Variants in ZMYM1 observed in about 807,000 individuals in gnomAD.
The protein encoded by ZMYM1 is zinc finger MYM-type protein 1.
ZMYM1 carries 39 observed loss-of-function variants against 60.0 expected under a neutral mutation model. The observed-to-expected ratio is 0.65, with a 90% CI of 0.50 to 0.85. ZMYM1 has a LOEUF of 0.85. Among genes scored for constraint, ZMYM1 ranks in the 40% least tolerant of loss-of-function variants. The pLI, the probability that ZMYM1 is intolerant of heterozygous loss-of-function variation, is 0.00. For missense variants in ZMYM1, 1,171 were observed against 1,309.5 expected (o/e 0.89, Z 1.63); for synonymous variants, 413 against 454.0 (o/e 0.91, Z 1.15).
chr1:35,103,920 G>A (rs1444613597), intron 4 of ZMYM1, among the ~76,000 whole-genome samples: 1 of 152,086 alleles, frequency 6.6e-6, no homozygotes, highest in Non-Finnish European at 1.5e-5. Context: ...TAATAATACA[G>A]GCTGGCTAGT....
In ZMYM1 at chr1:35,081,544, A is replaced by G. The variant is rs1642388382; in HGVS notation, c.-75+2102A>G. The stretch of plus-strand genomic sequence containing the variant: ...TTTCCATCAATGAGCATTTATTTAG[A>G]TCTTCCTTAATTTCTCTCAGCAATG... On this transcript the variant is annotated intron_variant, in intron 1 of 9. Transcript: ENST00000359858. Among the ~76,000 whole-genome samples, 4 of 152,142 alleles carry G rather than the reference A, an allele frequency of 2.6e-5. 1 individual carries two copies. The highest frequency in any genetic ancestry group is 1.3e-4 in the Admixed American group (2 of 15,262).
chr1:35,104,704 A>T lies in ZMYM1; in HGVS notation c.742A>T (p.Ile248Leu). 1 of 1,614,218 alleles carries T rather than the reference A, an allele frequency of 6.2e-7. No individual in the cohort carries two copies. Among genetic ancestry groups the T allele is most frequent in the Non-Finnish European group, 8.5e-7 (1 of 1,180,036 alleles). ...TTACACCAGCTCTAGTCTGTCCCAC[A>T]TACTTCAGATGGAAGGACAGTCTCA... is the stretch of plus-strand genomic sequence containing the variant. ...YCYTSSSLSH[I>L]LQMEGQSHYF... The change falls in exon 6 of 10, where the codon ATA (isoleucine) becomes TTA (leucine). Residue 248 changes from isoleucine to leucine, a missense_variant. Physicochemically the swap from Ile to Leu is conservative, Grantham distance 5 (BLOSUM62 2). Coordinates refer to ENST00000359858, the MANE Select transcript of ZMYM1 (RefSeq NM_024772.5).
intron 1 of ZMYM1, among the ~76,000 whole-genome samples, chr1:35,070,995 A>G (rs1220971656): frequency 6.6e-6 from 1 of 151,960 alleles, no homozygotes; most frequent in Admixed American, 6.6e-5. Context: ...AGCAATTCTC[A>G]TGCTTCAGCC....
chr1:35,096,779 A>G (rs1361701351), intron 3 of ZMYM1, among the ~76,000 whole-genome samples: 1 of 152,098 alleles, frequency 6.6e-6, no homozygotes, highest in East Asian at 1.9e-4. Flanking sequence ...GCCTCACTGC[A>G]GCCTCCACCT....
chr1:35,080,739 C>G (rs980903393), intron 1 of ZMYM1, among the ~76,000 whole-genome samples: 13 of 151,386 alleles, frequency 8.6e-5, no homozygotes, highest in Non-Finnish European at 1.9e-4. Flanking sequence ...TTTTTCATTT[C>G]TTCTCAGTAC....
downstream of ZMYM1, among the ~76,000 whole-genome samples, chr1:35,118,348 T>C (rs1312705227): frequency 2.0e-5 from 3 of 152,228 alleles, no homozygotes; most frequent in Admixed American, 2.0e-4. Context: ...AACTTTCCTC[T>C]AAAGTCAGCT....
chr1:35,111,812 T>G lies in ZMYM1; in HGVS notation c.1002T>G (p.Leu334=), dbSNP rs1374148275. The change falls in exon 8 of 10, where the codon CTT becomes CTG. Residue 334 remains leucine, a synonymous_variant. Transcript: ENST00000359858. Reference sequence around the variant, plus strand: ...TGGTGCATGATACTTCAACAGAGCTTCTTTCTCCAAAGAAAGATACGACTC... The same window carrying G: ...TGGTGCATGATACTTCAACAGAGCTGCTTTCTCCAAAGAAAGATACGACTC... ...VSVVHDTSTE[L]LSPKKDTTPV... The G allele has an allele frequency of 3.1e-6, 5 of 1,607,446 alleles. No individual in the cohort carries two copies. Among genetic ancestry groups the G allele is most frequent in the African/African-American group, 1.3e-5 (1 of 74,990 alleles).
Position 35,112,088 on chromosome 1 carries a change from T to A in ZMYM1, c.1104T>A (p.Asp368Glu). ...LPIMNTDVLQ[D>E]TVSSVTATAD... ...TGAATTTATGCTCTATTTTAACAGA[T>A]ACAGTTTCTTCAGTAACAGCAACAG... is the stretch of plus-strand genomic sequence containing the variant. The change falls in exon 9 of 10, where the codon GAT becomes GAA. Residue 368 changes from aspartate (D) to glutamate (E), a missense_variant and splice_region_variant. Physicochemically the swap from Asp to Glu is conservative, Grantham distance 45. Coordinates refer to ENST00000359858, the MANE Select transcript of ZMYM1 (RefSeq NM_024772.5). The A allele has an allele frequency of 1.2e-6, 2 of 1,613,070 alleles. No individual in the cohort carries two copies. The highest frequency in any genetic ancestry group is 1.1e-5 in the South Asian group (1 of 90,854).
intron 4 of ZMYM1, among the ~76,000 whole-genome samples, chr1:35,102,167 G>A (rs944267624): frequency 2.6e-5 from 4 of 151,976 alleles, no homozygotes; most frequent in Middle Eastern, 3.2e-3. Flanking sequence ...GGAAAAGGGG[G>A]GAGTGTTTTA....
intron 3 of ZMYM1, among the ~76,000 whole-genome samples, chr1:35,096,928 G>A (rs1339117238): frequency 1.3e-5 from 2 of 152,204 alleles, no homozygotes; most frequent in East Asian, 3.9e-4. Flanking sequence ...TCTTAAACTC[G>A]TGATCCACCC....
In ZMYM1 at chr1:35,110,245, C is replaced by G. The variant is rs192790240; in HGVS notation, c.808-49C>G. On this transcript the variant is annotated intron_variant, in intron 6 of 9. Coordinates refer to ENST00000359858, the MANE Select transcript of ZMYM1 (RefSeq NM_024772.5). ...GTGGTAATAGGTTCTTCTTCATTAACAACATATCATATACCAGGAATATGA... is the reference window on the plus strand; with the variant it reads ...GTGGTAATAGGTTCTTCTTCATTAAGAACATATCATATACCAGGAATATGA... 4.7e-4 allele frequency: 613 copies of G among 1,300,070 alleles called. 5 individuals carry two copies. In the African/African-American group the frequency reaches 8.1e-3, roughly 17 times the overall value. The allele number at this position is 1,300,070 out of a possible 1,614,324, so 80.5% of individuals were successfully genotyped here.
chr1:35,071,357 G>A lies in ZMYM1; in HGVS notation c.-300-7637G>A, dbSNP rs138525426. ...TTTATTTATTTTTGGAGTCAGGGTC[G>A]GGTCTCACTCTATCACCAAGGCTGG... On this transcript the variant is annotated intron_variant, in intron 1 of 10. Coordinates refer to the ZMYM1 transcript ENST00000417119. 5.2e-3 allele frequency among the ~76,000 whole-genome samples: 795 copies of A among 151,962 alleles called. 8 individuals carry two copies. Among genetic ancestry groups the A allele is most frequent in the African/African-American group, 0.017 (711 of 41,412 alleles).
At chr1:35,072,097 G>A (rs928074481) in intron 1 of ZMYM1, among the ~76,000 whole-genome samples, 1 of 152,160 alleles carries the variant, frequency 6.6e-6, no homozygotes, top group African/African-American at 2.4e-5. Context: ...TCACGCCATT[G>A]CATTCCAGCC....
intron 1 of ZMYM1, among the ~76,000 whole-genome samples, chr1:35,089,527 A>G (rs1023126563): frequency 4.6e-5 from 7 of 152,254 alleles, no homozygotes; most frequent in Admixed American, 1.3e-4. Context: ...TTGAGCCCCA[A>G]TCACAGAAAT....
chr1:35,096,310 T>TAA (rs570507284), intron 3 of ZMYM1, among the ~76,000 whole-genome samples: 3 of 122,010 alleles, frequency 2.5e-5, no homozygotes, highest in African/African-American at 6.2e-5. Context: ...AGACTCTGTC[T>TAA]AAAAAAAAAA....
chr1:35,068,300 T>C (rs1383123664), intron 1 of ZMYM1, among the ~76,000 whole-genome samples: 1 of 150,840 alleles, frequency 6.6e-6, no homozygotes, highest in Non-Finnish European at 1.5e-5. Flanking sequence ...GCGCCTGTAG[T>C]CCCAGCTACT....
intron 1 of ZMYM1, among the ~76,000 whole-genome samples, chr1:35,088,632 A>C (rs1235376094): frequency 6.6e-6 from 1 of 151,240 alleles, no homozygotes; most frequent in African/African-American, 2.4e-5. Flanking sequence ...TAGTTTGGAA[A>C]GATGAGTAGG....
rs1481959768 is a variant in ZMYM1 at position 35,104,298 on chromosome 1, C to T, written c.423C>T (p.Asp141=). Residue 141 remains aspartate, a synonymous_variant, in exon 5 of 10, where the codon GAC becomes GAT. Coordinates refer to ENST00000359858, the MANE Select transcript of ZMYM1 (RefSeq NM_024772.5). ...SKRTCSNCSK[D]ILNPKDVISV... ...TGTCCTTGTTATTTATTCTTAGAGA[C>T]ATTTTAAATCCAAAGGATGTGATTA... The T allele has an allele frequency of 4.5e-6, 7 of 1,571,486 alleles. No individual in the cohort carries two copies. Among genetic ancestry groups the T allele is most frequent in the South Asian group, 3.5e-5 (3 of 85,162 alleles).
In ZMYM1 at chr1:35,114,349, C is replaced by G; in HGVS notation, c.2519C>G (p.Thr840Arg). Residue 840 changes from threonine (T) to arginine (R), a missense_variant, in exon 10 of 10, where the codon ACA becomes AGA. Thr to Arg is a moderately conservative substitution (Grantham distance 71). Transcript: ENST00000359858. ...LEVIASHSSN[T>R]SFADELSHLL... The stretch of plus-strand genomic sequence containing the variant: ...GTTATAGCAAGCCATTCTTCAAATA[C>G]AAGTTTCGCCGATGAATTGAGTCAT... 6.2e-7 allele frequency: 1 copy of G among 1,611,826 alleles called. No individual in the cohort carries two copies. Among genetic ancestry groups the G allele is most frequent in the Non-Finnish European group, 8.5e-7 (1 of 1,179,342 alleles).
Sources: gnomAD v4.1 joint callset for allele counts (sites outside exome capture counted in the v4.1 genomes callset) on GRCh38, gnomAD v4.1.1 for gene constraint, MANE v1.5 for transcripts, NCBI Gene and HGNC (gene_info 2026-07-23, HGNC 2026-07-21) for gene names.